Variants in SARDH observed in about 807,000 individuals in gnomAD.
SARDH encodes the protein sarcosine dehydrogenase.
SARDH carries 95 observed loss-of-function variants against 109.1 expected under a neutral mutation model. The ratio of observed to expected loss-of-function variants is 0.87; its 90% CI spans 0.74 to 1.03. The LOEUF is 1.03. Among genes scored for constraint, SARDH ranks in the 50% least tolerant of loss-of-function variants. The pLI is 0.00. For missense variants in SARDH, 1,267 were observed against 1,287.8 expected (o/e 0.98, Z 0.25); for synonymous variants, 572 against 534.8 (o/e 1.07, Z -0.96).
At chr9:133,734,412 T>TTCATTCATTCACTCATTCATTCATTCAC (rs1564304222) in intron 1 of SARDH, among the ~76,000 whole-genome samples, 8 of 127,318 alleles carry the variant, frequency 6.3e-5, no homozygotes, top group South Asian at 2.3e-4. Flanking sequence ...CATTCACTCA[T>TTCATTCATTCACTCATTCATTCATTCAC]TCATTCATTC....
intron 6 of SARDH, among the ~76,000 whole-genome samples, chr9:133,724,773 C>A (rs561292367): frequency 6.6e-6 from 1 of 152,046 alleles, no homozygotes; most frequent in Middle Eastern, 3.4e-3. Context: ...TGAGCATCCC[C>A]AAACCAAAAA....
chr9:133,695,976 T>C (rs1831271955), intron 14 of SARDH, among the ~76,000 whole-genome samples: 1 of 148,058 alleles, frequency 6.8e-6, no homozygotes, highest in African/African-American at 2.5e-5. Flanking sequence ...TCTGGAAGAG[T>C]AGAGAGGAAG....
intron 11 of SARDH, among the ~76,000 whole-genome samples, chr9:133,705,979 G>C (rs1220495217): frequency 6.6e-6 from 1 of 152,160 alleles, no homozygotes; most frequent in Admixed American, 6.5e-5. Context: ...CTGACACCTT[G>C]ATCTTGGACC....
At chr9:133,730,286 G>A in intron 4 of SARDH, 99 bp from the exon 5 acceptor site, 1 of 1,495,418 alleles carries the variant, frequency 6.7e-7, no homozygotes. Context: ...GGGAGCTGGG[G>A]ACACTATTTC....
intron 17 of SARDH, among the ~76,000 whole-genome samples, chr9:133,678,436 A>C (rs550559000): frequency 1.3e-5 from 2 of 152,306 alleles, no homozygotes; most frequent in East Asian, 3.9e-4. Context: ...CTCTTTCCCC[A>C]GATGGGTCAT....
intron 17 of SARDH, among the ~76,000 whole-genome samples, chr9:133,679,626 G>A (rs915239586): frequency 1.4e-4 from 21 of 152,182 alleles, no homozygotes; most frequent in African/African-American, 4.6e-4. Context: ...TGCTGGCCTC[G>A]AGGCAAGATA....
rs1830881172 is a variant in SARDH at position 133,686,237 on chromosome 9, A to G, written c.2070-951T>C. On this transcript the variant is annotated intron_variant, in intron 16 of 20. Coordinates refer to ENST00000439388, the MANE Select transcript of SARDH (RefSeq NM_001134707.2). The surrounding 1 kb of genome is among the most constrained non-coding windows in gnomAD (Gnocchi z 4.0). ...TACCCAGCACCACATCTACTCTCACACTTGCGCAAGTACCGGAGACCTCAC... is the reference window on the plus strand; with the variant it reads ...TACCCAGCACCACATCTACTCTCACGCTTGCGCAAGTACCGGAGACCTCAC... Among the ~76,000 whole-genome samples, 1 of 151,612 alleles carries G rather than the reference A, an allele frequency of 6.6e-6. No individual in the cohort carries two copies. The highest frequency in any genetic ancestry group is 6.6e-5 in the Admixed American group (1 of 15,198).
rs879053394 is a variant in SARDH at position 133,704,820 on chromosome 9, C to A, written c.1554+128G>T. 1.3e-6 allele frequency: 1 copy of A among 750,396 alleles called. No individual in the cohort carries two copies. Among genetic ancestry groups the A allele is most frequent in the Non-Finnish European group, 2.2e-6 (1 of 447,002 alleles). 46.5% of individuals were successfully genotyped at this position (750,396 alleles called of 1,614,324 possible). On this transcript the variant is annotated intron_variant, in intron 12 of 20. Transcript: ENST00000439388. The surrounding 1 kb of genome is among the most constrained non-coding windows in gnomAD (Gnocchi z 4.5). Reference sequence around the variant, plus strand: ...GCTCGGCTTCCCGTGTGCAGAATAACTGATCACGACAGTGGAACCACCTGG... The same window carrying A: ...GCTCGGCTTCCCGTGTGCAGAATAAATGATCACGACAGTGGAACCACCTGG...
At chr9:133,661,791 C>T (rs529692869), downstream of SARDH, among the ~76,000 whole-genome samples, 7 of 152,308 alleles carry the variant, frequency 4.6e-5, no homozygotes, top group East Asian at 1.3e-3. Context: ...AGTGTAGGCA[C>T]TTTCAAAACA....
At chr9:133,717,573 G>A in intron 7 of SARDH, 118 bp from the exon 8 acceptor site, 2 of 1,419,822 alleles carry the variant, frequency 1.4e-6, no homozygotes, top group Middle Eastern at 2.4e-4. Context: ...ATGCATTAGA[G>A]GGCTGGTGGT....
intron 13 of SARDH, among the ~76,000 whole-genome samples, chr9:133,700,933 C>T (rs759805385): frequency 6.6e-6 from 1 of 152,190 alleles, no homozygotes; most frequent in Non-Finnish European, 1.5e-5. Context: ...ATAATCATGA[C>T]AGCAACAACC....
chr9:133,694,141 C>A, intron 15 of SARDH, 117 bp downstream of exon 15: 1 of 725,854 alleles, frequency 1.4e-6, no homozygotes, highest in Non-Finnish European at 2.2e-6. Flanking sequence ...GCGGGCACAA[C>A]AGCTAATGAC....
chr9:133,673,787 GA>G (rs1411396548), intron 17 of SARDH, among the ~76,000 whole-genome samples: 2 of 152,166 alleles, frequency 1.3e-5, no homozygotes, highest in Admixed American at 1.3e-4. Context: ...TTTGAAACAG[GA>G]AAAATAATTT....
Position 133,731,383 on chromosome 9 carries a change from A to G in SARDH, c.612T>C (p.Tyr204=). 6.2e-7 allele frequency: 1 copy of G among 1,614,194 alleles called. No individual in the cohort carries two copies. Among genetic ancestry groups the G allele is most frequent in the Non-Finnish European group, 8.5e-7 (1 of 1,180,026 alleles). ...GGTCCATGGTACCGTCGTGCGGCAC[A>G]TACAGGGTCCCGTAGAGGTCGTCCA... The part of the protein sequence containing the change: ...MNVDDLYGTL[Y]VPHDGTMDPA... The change falls in exon 4 of 21, where the codon TAT becomes TAC. Residue 204 remains tyrosine, a synonymous_variant. Transcript: ENST00000439388.
downstream of SARDH, among the ~76,000 whole-genome samples, chr9:133,663,007 G>C (rs1829935616): frequency 1.3e-5 from 2 of 152,330 alleles, no homozygotes; most frequent in South Asian, 2.1e-4. Context: ...GCAGCGTGCA[G>C]GGCAGAGCCT....
upstream of SARDH, chr9:133,739,794 A>T (rs1197437349): frequency 1.3e-5 from 2 of 152,318 alleles, no homozygotes; most frequent in Non-Finnish European, 2.9e-5. Flanking sequence ...CAGGGTGACG[A>T]ATGAGCTCAA....
At chr9:133,664,415 G>A (rs372361125) in intron 20 of SARDH, among the ~76,000 whole-genome samples, 11 of 152,216 alleles carry the variant, frequency 7.2e-5, no homozygotes, top group Non-Finnish European at 1.6e-4. Context: ...GGGCAGGGGC[G>A]GCTGGAACAG....
chr9:133,703,178 C>G, intron 12 of SARDH, 149 bp from the exon 13 acceptor site: 1 of 678,892 alleles, frequency 1.5e-6, no homozygotes, highest in South Asian at 1.8e-5. Flanking sequence ...GTTGTGGACG[C>G]GGGCAGGGGG....
intron 17 of SARDH, among the ~76,000 whole-genome samples, chr9:133,680,012 C>T (rs1179464287): frequency 6.6e-6 from 1 of 152,264 alleles, no homozygotes; most frequent in Non-Finnish European, 1.5e-5. Context: ...AAATACCTGG[C>T]TCAGGCCCAC....
Sources: allele counts gnomAD v4.1 joint callset (sites outside exome capture counted in the v4.1 genomes callset), GRCh38; gene constraint gnomAD v4.1.1; non-coding constraint Gnocchi (gnomAD v3.1); transcripts MANE v1.5; gene names NCBI Gene and HGNC (gene_info 2026-07-23, HGNC 2026-07-21).